RFX3: variants seen among roughly 807,000 people sequenced by gnomAD.
The protein encoded by RFX3 is regulatory factor X3, also known as transcription factor RFX3.
Under a neutral mutation model 98.6 loss-of-function variants are expected in RFX3, and 14 were observed. That is an observed-to-expected ratio of 0.14 (90% CI 0.09 to 0.22). RFX3 has a LOEUF of 0.22. Ranked by LOEUF, RFX3 falls within the 10% of genes least tolerant of loss-of-function variation. The pLI, the probability that RFX3 is intolerant of heterozygous loss-of-function variation, is 1.00. For synonymous variants in RFX3, 383 were observed against 328.4 expected (o/e 1.17, Z -1.80); for missense variants, 639 against 926.9 (o/e 0.69, Z 4.03).
At chr9:3,309,122 C>A (rs373559988) in intron 4 of RFX3, among the ~76,000 whole-genome samples, 1 of 152,076 alleles carries the variant, frequency 6.6e-6, no homozygotes, top group Non-Finnish European at 1.5e-5. Flanking sequence ...AGATTCTGTA[C>A]GACAGAGAAC....
intron 12 of RFX3, among the ~76,000 whole-genome samples, chr9:3,263,951 T>A (rs1823267296): frequency 1.3e-5 from 2 of 152,156 alleles, no homozygotes; most frequent in East Asian, 3.9e-4. Context: ...GTTACCACAG[T>A]CCTGAGGGAA....
intron 6 of RFX3, among the ~76,000 whole-genome samples, chr9:3,291,790 T>G (rs1324631601): frequency 1.3e-5 from 2 of 152,034 alleles, no homozygotes; most frequent in Non-Finnish European, 2.9e-5. Flanking sequence ...AGGCTGTGTT[T>G]ATTTTATTAA....
At chr9:3,518,246 T>C (rs568992600) in intron 1 of RFX3, among the ~76,000 whole-genome samples, 33 of 152,312 alleles carry the variant, frequency 2.2e-4, no homozygotes, top group Admixed American at 3.9e-4. Flanking sequence ...TTAAGTAATG[T>C]ATGACTGCAT....
At chr9:3,463,750 C>T (rs1053918824) in intron 1 of RFX3, among the ~76,000 whole-genome samples, 2 of 151,876 alleles carry the variant, frequency 1.3e-5, no homozygotes, top group East Asian at 1.9e-4. Context: ...GCAGGAGGAT[C>T]GTTTGAGCCT....
Position 3,257,010 on chromosome 9 carries a change from G to A in RFX3, c.1795C>T (p.Leu599=). Residue 599 remains leucine, a synonymous_variant, in exon 14 of 17, where the codon CTA becomes TTA. Transcript: ENST00000617270. ...TGATACCTGTAGAAAGACCATTTTA[G>A]CAGAAACTGCCTGGCGGCTTTAGGA... ...SFPKAARQFL[L]KWSFYSSMVI... is the part of the protein sequence containing the mutation. 2 of 1,614,062 alleles carry A rather than the reference G, an allele frequency of 1.2e-6. No homozygotes were observed. Among genetic ancestry groups the A allele is most frequent in the Non-Finnish European group, 1.7e-6 (2 of 1,179,980 alleles).
At chr9:3,410,042 CAT>C (rs1241541695) in intron 1 of RFX3, among the ~76,000 whole-genome samples, 2 of 152,106 alleles carry the variant, frequency 1.3e-5, no homozygotes, top group Non-Finnish European at 2.9e-5. Context: ...AAGAAATACT[CAT>C]ATAACATGGA....
At chr9:3,436,944 AT>A (rs199537724) in intron 1 of RFX3, among the ~76,000 whole-genome samples, 4 of 151,218 alleles carry the variant, frequency 2.6e-5, no homozygotes, top group East Asian at 2.0e-4. Flanking sequence ...CTTCCTATTA[AT>A]TTTTTTAAAA....
intron 2 of RFX3, among the ~76,000 whole-genome samples, chr9:3,369,256 T>C (rs1837542288): frequency 6.6e-6 from 1 of 152,192 alleles, no homozygotes; most frequent in Non-Finnish European, 1.5e-5. Context: ...GATTCAACGT[T>C]TGATGACAGC....
chr9:3,370,668 A>G (rs565828162), intron 2 of RFX3, among the ~76,000 whole-genome samples: 1 of 152,260 alleles, frequency 6.6e-6, no homozygotes, highest in South Asian at 2.1e-4. Flanking sequence ...GCATAAATTG[A>G]TATCTGTGCA....
At chr9:3,227,608 C>A (rs1032565342) in intron 16 of RFX3, among the ~76,000 whole-genome samples, 28 of 152,166 alleles carry the variant, frequency 1.8e-4, no homozygotes, top group Admixed American at 1.8e-3. Flanking sequence ...AGCAGTAAAA[C>A]TCTACTGTCC....
intron 1 of RFX3, among the ~76,000 whole-genome samples, chr9:3,495,891 A>G (rs1851076735): frequency 6.6e-6 from 1 of 152,070 alleles, no homozygotes; most frequent in Non-Finnish European, 1.5e-5. Flanking sequence ...ATTAAATTAA[A>G]TGCCTTTATG....
chr9:3,276,830 C>A (rs1197342210), intron 8 of RFX3, among the ~76,000 whole-genome samples: 1 of 151,964 alleles, frequency 6.6e-6, no homozygotes, highest in Non-Finnish European at 1.5e-5. Flanking sequence ...GAAAAATATG[C>A]AAGTTTTTCT....
chr9:3,478,164 TTTA>T (rs1352830242), intron 1 of RFX3, among the ~76,000 whole-genome samples: 1 of 152,158 alleles, frequency 6.6e-6, no homozygotes, highest in Non-Finnish European at 1.5e-5. Context: ...TTGTTCGTTT[TTTA>T]TTATTTGTCT....
Position 3,441,737 on chromosome 9 carries a change from GATAA to G in RFX3, c.-8-46145_-8-46142del, listed in dbSNP as rs1168152897. Among the ~76,000 whole-genome samples the G allele has an allele frequency of 4.6e-5, 7 of 151,932 alleles. No individual in the cohort carries two copies. In the East Asian group the frequency reaches 9.6e-4, roughly 21 times the overall value. On this transcript the variant is annotated intron_variant, in intron 1 of 16. Transcript: ENST00000617270. The stretch of plus-strand genomic sequence containing the variant: ...TTGGAGAAATAAATGGGAGAGAAGA[GATAA>G]ATATTTTTATAGAAGAATTTCAAAG...
chr9:3,309,508 T>A (rs1490112939), intron 4 of RFX3, among the ~76,000 whole-genome samples: 1 of 150,556 alleles, frequency 6.6e-6, no homozygotes, highest in Non-Finnish European at 1.5e-5. Flanking sequence ...TTGTGCCACA[T>A]CTGTCCAAAA....
chr9:3,419,491 C>T (rs763589801), intron 1 of RFX3, among the ~76,000 whole-genome samples: 1 of 152,150 alleles, frequency 6.6e-6, no homozygotes, highest in Non-Finnish European at 1.5e-5. Flanking sequence ...GAGGCAAACC[C>T]TTCTTACCTG....
chr9:3,311,766 C>T (rs1230272568), intron 4 of RFX3, among the ~76,000 whole-genome samples: 2 of 151,972 alleles, frequency 1.3e-5, no homozygotes, highest in African/African-American at 4.8e-5. Context: ...CGCCTGTTAT[C>T]CCAGCTACTC....
intron 1 of RFX3, among the ~76,000 whole-genome samples, chr9:3,415,072 A>ACTTATATATTTACTTT (rs1406681391): frequency 3.6e-4 from 32 of 89,396 alleles, no homozygotes; most frequent in African/African-American, 3.3e-3. Flanking sequence ...ATATATAAGT[A>ACTTATATATTTACTTT]TATATATATT....
At chr9:3,332,903 G>A (rs565343015) in intron 3 of RFX3, among the ~76,000 whole-genome samples, 19 of 146,272 alleles carry the variant, frequency 1.3e-4, no homozygotes, top group African/African-American at 4.6e-4. Flanking sequence ...AGCTCTCAAC[G>A]GAAGCACCTT....
Sources: allele counts gnomAD v4.1 joint callset (sites outside exome capture counted in the v4.1 genomes callset), GRCh38; gene constraint gnomAD v4.1.1; transcripts MANE v1.5; gene names NCBI Gene and HGNC (gene_info 2026-07-23, HGNC 2026-07-21).